The following NCAPD3 variants were observed in gnomAD, a reference collection of about 807,000 sequenced individuals.
NCAPD3 encodes non-SMC condensin II complex subunit D3.
NCAPD3 carries 105 observed loss-of-function variants against 182.9 expected under a neutral mutation model. The ratio of observed to expected loss-of-function variants is 0.57; its 90% CI spans 0.49 to 0.68. The LOEUF (loss-of-function observed/expected upper bound fraction) is 0.68. Among genes scored for constraint, NCAPD3 ranks in the 30% least tolerant of loss-of-function variants. The probability of loss-of-function intolerance (pLI) is 0.00; values close to 1 mark genes in which losing one functional copy is unlikely to be tolerated. For synonymous variants in NCAPD3, 815 were observed against 679.9 expected (o/e 1.20, Z -3.09); for missense variants, 1,944 against 1,837.0 (o/e 1.06, Z -1.07).
chr11:134,183,995 A>G (rs1350261000), intron 19 of NCAPD3, among the ~76,000 whole-genome samples: 3 of 152,228 alleles, frequency 2.0e-5, no homozygotes, highest in Non-Finnish European at 2.9e-5. Flanking sequence ...TACTAAGAGT[A>G]TATCTCATGA....
chr11:134,208,991 T>C (rs1401012090), intron 6 of NCAPD3, 40 bp from the exon 7 acceptor site: 14 of 1,510,718 alleles, frequency 9.3e-6, no homozygotes, highest in South Asian at 8.2e-5. Flanking sequence ...TGGATATGAT[T>C]TTACTTGGAA....
intron 22 of NCAPD3, 182 bp downstream of exon 22, chr11:134,178,452 T>C (rs996913610): frequency 9.2e-6 from 4 of 434,748 alleles, no homozygotes; most frequent in African/African-American, 2.0e-5. Context: ...AGGGCTCTCA[T>C]GACCAGCACG....
chr11:134,163,513 C>T (rs1943653552), intron 27 of NCAPD3, among the ~76,000 whole-genome samples: 1 of 151,950 alleles, frequency 6.6e-6, no homozygotes, highest in South Asian at 2.1e-4. Flanking sequence ...TCCTGGCAAA[C>T]ACTGTGAAAC....
intron 1 of NCAPD3, among the ~76,000 whole-genome samples, chr11:134,221,264 T>C (rs1938215501): frequency 6.6e-6 from 1 of 152,220 alleles, no homozygotes. Flanking sequence ...AACACACTGA[T>C]TGAAAGAATG....
chr11:134,184,828 C>G, intron 18 of NCAPD3, 75 bp downstream of exon 18: 1 of 1,319,584 alleles, frequency 7.6e-7, no homozygotes, highest in Middle Eastern at 1.8e-4. Context: ...CACACACACA[C>G]ACACACACAC....
At chr11:134,196,498 T>G (rs964160040) in intron 13 of NCAPD3, among the ~76,000 whole-genome samples, 4 of 151,576 alleles carry the variant, frequency 2.6e-5, no homozygotes, top group African/African-American at 9.7e-5. Flanking sequence ...ACAAAAAAAT[T>G]TGCCGGGTGT....
chr11:134,156,530 A>C, intron 32 of NCAPD3, among the ~76,000 whole-genome samples: 1 of 152,224 alleles, frequency 6.6e-6, no homozygotes, highest in East Asian at 1.9e-4. Flanking sequence ...GGAAAAGCAC[A>C]AACAGTAGGA....
intron 20 of NCAPD3, 131 bp downstream of exon 20, chr11:134,180,946 G>A (rs892502645): frequency 3.8e-5 from 23 of 606,754 alleles, no homozygotes; most frequent in East Asian, 1.2e-4. Context: ...TCTAAAAAGA[G>A]AAAGTAAGCT....
chr11:134,168,706 A>T, intron 25 of NCAPD3, 104 bp from the exon 26 acceptor site: 2 of 1,484,730 alleles, frequency 1.3e-6, no homozygotes, highest in East Asian at 2.3e-5. Context: ...CAAAGACTCC[A>T]GTGCACTACA....
chr11:134,201,254 C>T (rs1360569862), intron 13 of NCAPD3, among the ~76,000 whole-genome samples: 1 of 152,038 alleles, frequency 6.6e-6, no homozygotes, highest in South Asian at 2.1e-4. Flanking sequence ...GATCTCCTGA[C>T]CTCGTGATCC....
At chr11:134,224,142 C>A, upstream of NCAPD3, 1 of 610,550 alleles carries the variant, frequency 1.6e-6, no homozygotes, top group South Asian at 2.0e-5. Flanking sequence ...CCAAACAAGG[C>A]TCCTGCGGGT....
chr11:134,185,202 T>C (rs1040645156), intron 17 of NCAPD3, 133 bp downstream of exon 17: 1 of 940,666 alleles, frequency 1.1e-6, no homozygotes, highest in African/African-American at 1.7e-5. Flanking sequence ...TTTTTCATGC[T>C]TGTTTTTATA....
intron 1 of NCAPD3, among the ~76,000 whole-genome samples, chr11:134,221,076 G>A (rs756127541): frequency 2.0e-5 from 3 of 152,316 alleles, no homozygotes; most frequent in East Asian, 1.9e-4. Context: ...GATTGCCCAC[G>A]AGGTTCCTTT....
chr11:134,155,701 C>A (rs1046189452), intron 32 of NCAPD3, among the ~76,000 whole-genome samples: 1 of 152,184 alleles, frequency 6.6e-6, no homozygotes, highest in Admixed American at 6.5e-5. Flanking sequence ...GCATATGGCA[C>A]CTCACTGCCA....
rs775876981 is a variant in NCAPD3 at position 134,210,375 on chromosome 11, T to G, written c.462A>C (p.Glu154Asp). 6.5e-5 allele frequency: 105 copies of G among 1,614,086 alleles called. 1 individual carries two copies. The South Asian group carries it at 1.0e-3, about 16-fold the overall frequency. The change falls in exon 4 of 35, where the codon GAA becomes GAC. Residue 154 changes from glutamate (E) to aspartate (D), a missense_variant. By Grantham distance (45) the Glu-to-Asp change is conservative. Coordinates refer to ENST00000534548, the MANE Select transcript of NCAPD3 (RefSeq NM_015261.3). ...TCTTTCTTTTCCGATTCAAGTTAGA[T>G]TCCTGGGGCCAGCTCTTCTTTAGAG... ...IQTLKKSWPQESNLNRKRKKE... is the reference protein window; with the variant it reads ...IQTLKKSWPQDSNLNRKRKKE...
chr11:134,178,042 T>C (rs776962550), intron 22 of NCAPD3: 1 of 152,214 alleles, frequency 6.6e-6, no homozygotes, highest in Non-Finnish European at 1.5e-5. Flanking sequence ...GCATGAAATA[T>C]ACACTCACAC....
At chr11:134,170,256 C>T (rs551100938) in intron 24 of NCAPD3, among the ~76,000 whole-genome samples, 47 of 152,272 alleles carry the variant, frequency 3.1e-4, no homozygotes, top group African/African-American at 9.6e-4. Flanking sequence ...TATTCAATAA[C>T]GAGAATTCCT....
chr11:134,209,248 G>A, intron 5 of NCAPD3, 42 bp from the exon 6 acceptor site: 2 of 1,606,738 alleles, frequency 1.2e-6, no homozygotes, highest in Non-Finnish European at 1.7e-6. Flanking sequence ...TTTTTCTACT[G>A]ATCAGGTATT....
intron 29 of NCAPD3, among the ~76,000 whole-genome samples, chr11:134,158,934 CTG>C (rs2120538014): frequency 6.6e-6 from 1 of 152,268 alleles, no homozygotes; most frequent in East Asian, 1.9e-4. Flanking sequence ...CTTTGTCTTT[CTG>C]TGTTTGGCTT....
Sources: allele counts gnomAD v4.1 joint callset (sites outside exome capture counted in the v4.1 genomes callset), GRCh38; gene constraint gnomAD v4.1.1; transcripts MANE v1.5; gene names NCBI Gene and HGNC (gene_info 2026-07-23, HGNC 2026-07-21).